Variants in C12orf42 observed in about 807,000 individuals in gnomAD.
The protein encoded by C12orf42 is chromosome 12 open reading frame 42, also known as uncharacterized protein C12orf42.
In C12orf42, 25 loss-of-function variants were observed where a neutral mutation model predicts 21.6. The observed-to-expected ratio is 1.16, with a 90% CI of 0.84 to 1.62. The LOEUF (loss-of-function observed/expected upper bound fraction) is 1.62. Ranked by LOEUF, C12orf42 falls within the 40% of genes most tolerant of loss-of-function variation. The pLI, the probability that C12orf42 is intolerant of heterozygous loss-of-function variation, is 0.00. For missense variants in C12orf42, 483 were observed against 459.3 expected (o/e 1.05, Z -0.47); for synonymous variants, 174 against 175.0 (o/e 0.99, Z 0.05).
the C12orf42 span, among the ~76,000 whole-genome samples, chr12:103,221,844 G>A: frequency 1.8e-4 from 27 of 152,264 alleles, no homozygotes; most frequent in African/African-American, 6.0e-4. Flanking sequence ...AAACTGAATA[G>A]CAAGGCTGAG....
chr12:103,345,418 A>T (rs576811340), intron 4 of C12orf42, among the ~76,000 whole-genome samples: 95 of 152,284 alleles, frequency 6.2e-4, no homozygotes, highest in African/African-American at 2.2e-3. Flanking sequence ...ATTGTTGTTG[A>T]TGATGATGTG....
the C12orf42 span, among the ~76,000 whole-genome samples, chr12:103,059,393 G>A: frequency 6.6e-6 from 1 of 152,104 alleles, no homozygotes; most frequent in Non-Finnish European, 1.5e-5. Flanking sequence ...ATTTCTAACA[G>A]AGGTAAAAAG....
intron 5 of C12orf42, among the ~76,000 whole-genome samples, chr12:103,276,750 A>G (rs377404834): frequency 2.6e-4 from 40 of 152,304 alleles, no homozygotes; most frequent in African/African-American, 9.1e-4. Context: ...AAGCTGACCA[A>G]TATAGTACAC....
the C12orf42 span, chr12:103,178,137 A>G: frequency 6.6e-6 from 1 of 152,194 alleles, no homozygotes; most frequent in Non-Finnish European, 1.5e-5. Flanking sequence ...ACCGCTTCAA[A>G]AGCCCTTTTG....
At chr12:103,327,339 A>G (rs2040808415) in intron 4 of C12orf42, among the ~76,000 whole-genome samples, 1 of 152,216 alleles carries the variant, frequency 6.6e-6, no homozygotes, top group African/African-American at 2.4e-5. Flanking sequence ...AAATAAAACT[A>G]TATAGGAAAC....
At chr12:103,082,608 T>C in the C12orf42 span, among the ~76,000 whole-genome samples, 2 of 152,238 alleles carry the variant, frequency 1.3e-5, no homozygotes, top group African/African-American at 4.8e-5. Flanking sequence ...GACAAGTTAA[T>C]GGGTGCAGCA....
At chr12:103,172,971 T>C in the C12orf42 span, among the ~76,000 whole-genome samples, 1 of 152,094 alleles carries the variant, frequency 6.6e-6, no homozygotes, top group Admixed American at 6.6e-5. Flanking sequence ...TGACAAAGCT[T>C]CTCCCAAACA....
At position 103,301,966 on chromosome 12, in the gene C12orf42, T is replaced by A; in HGVS notation, c.*142A>T. The A allele has an allele frequency of 1.0e-6, 1 of 966,592 alleles. No homozygotes were observed. The highest frequency in any genetic ancestry group is 1.5e-6 in the Non-Finnish European group (1 of 658,896). The allele number at this position is 966,592 out of a possible 1,614,324, so 59.9% of individuals were successfully genotyped here. On this transcript the variant is annotated 3_prime_UTR_variant, in exon 6 of 6. Coordinates refer to ENST00000548883, the MANE Select transcript of C12orf42 (RefSeq NM_198521.5). Reference sequence around the variant, plus strand: ...TTGGCTGCGCTAGGGACTTTTGACATTATTTATTAGGTTCAAAAATGCTTC... The same window carrying A: ...TTGGCTGCGCTAGGGACTTTTGACAATATTTATTAGGTTCAAAAATGCTTC...
chr12:103,060,959 C>A, the C12orf42 span, among the ~76,000 whole-genome samples: 11 of 152,252 alleles, frequency 7.2e-5, no homozygotes, highest in Non-Finnish European at 1.3e-4. Flanking sequence ...CAACAAAAGC[C>A]AAAATTGACA....
chr12:103,319,225 T>C (rs556278108), intron 4 of C12orf42, among the ~76,000 whole-genome samples: 1 of 152,384 alleles, frequency 6.6e-6, no homozygotes, highest in African/African-American at 2.4e-5. Flanking sequence ...CTGTGTTTAT[T>C]CTTTAAGAAA....
the C12orf42 span, among the ~76,000 whole-genome samples, chr12:103,555,494 A>G: frequency 1.3e-5 from 2 of 152,200 alleles, no homozygotes; most frequent in Non-Finnish European, 2.9e-5. Flanking sequence ...GCCAAACCAT[A>G]TCAGTAGGTC....
At chr12:103,223,608 G>T in the C12orf42 span, among the ~76,000 whole-genome samples, 1 of 152,152 alleles carries the variant, frequency 6.6e-6, no homozygotes, top group Non-Finnish European at 1.5e-5. Flanking sequence ...AGTGTAAACC[G>T]GCAGTGTAAA....
At chr12:103,069,380 C>T in the C12orf42 span, among the ~76,000 whole-genome samples, 2 of 151,966 alleles carry the variant, frequency 1.3e-5, no homozygotes, top group Admixed American at 6.6e-5. Flanking sequence ...ATTATCATGA[C>T]CCAAATATGC....
chr12:103,233,382 G>A (rs758633220), downstream of C12orf42, among the ~76,000 whole-genome samples: 11 of 152,100 alleles, frequency 7.2e-5, no homozygotes, highest in Non-Finnish European at 1.3e-4. Context: ...ATTTTGATTG[G>A]GAATGCACTG....
At chr12:103,361,502 C>T (rs1566153126) in intron 4 of C12orf42, among the ~76,000 whole-genome samples, 1 of 152,014 alleles carries the variant, frequency 6.6e-6, no homozygotes, top group Admixed American at 6.6e-5. Context: ...GTAGCAATTC[C>T]AACCCAATGC....
the C12orf42 span, among the ~76,000 whole-genome samples, chr12:103,123,274 C>A: frequency 3.9e-5 from 6 of 152,102 alleles, no homozygotes; most frequent in Admixed American, 2.6e-4. Flanking sequence ...TGCAGACAAG[C>A]CATTGCAGGT....
chr12:103,531,912 T>C, the C12orf42 span, among the ~76,000 whole-genome samples: 1 of 152,238 alleles, frequency 6.6e-6, no homozygotes, highest in African/African-American at 2.4e-5. Flanking sequence ...AGTTTATATA[T>C]AACTTAGATT....
chr12:103,511,291 T>C, the C12orf42 span, among the ~76,000 whole-genome samples: 1,709 of 151,880 alleles, frequency 0.011, 26 homozygotes, highest in Middle Eastern at 0.017. Context: ...ATTTGGAAAG[T>C]CCAAATAAAA....
the C12orf42 span, among the ~76,000 whole-genome samples, chr12:103,068,175 T>C: frequency 6.6e-6 from 1 of 152,228 alleles, no homozygotes; most frequent in African/African-American, 2.4e-5. Flanking sequence ...GGGACTGCAA[T>C]TGTCATGAGT....
Sources: allele counts gnomAD v4.1 joint callset (sites outside exome capture counted in the v4.1 genomes callset), GRCh38; gene constraint gnomAD v4.1.1; transcripts MANE v1.5; gene names NCBI Gene and HGNC (gene_info 2026-07-23, HGNC 2026-07-21).